HLCS: variants seen among roughly 807,000 people sequenced by gnomAD.
HLCS encodes biotin--protein ligase.
In HLCS, 53 loss-of-function variants were observed where a neutral mutation model predicts 75.0. That is an observed-to-expected ratio of 0.71 (90% CI 0.57 to 0.89). The LOEUF is 0.89. Ranked by LOEUF, HLCS falls within the 40% of genes least tolerant of loss-of-function variation. The pLI, the probability that HLCS is intolerant of heterozygous loss-of-function variation, is 0.00. For missense variants in HLCS, 966 were observed against 1,074.0 expected (o/e 0.90, Z 1.41); for synonymous variants, 431 against 428.6 (o/e 1.01, Z -0.07).
At chr21:36,878,125 T>C (rs922254340) in intron 6 of HLCS, among the ~76,000 whole-genome samples, 1 of 152,160 alleles carries the variant, frequency 6.6e-6, no homozygotes, top group Non-Finnish European at 1.5e-5. Flanking sequence ...ATTTATGTCT[T>C]CTGCCAAACT....
At chr21:36,866,020 T>C (rs1380294217) in intron 6 of HLCS, among the ~76,000 whole-genome samples, 1 of 152,258 alleles carries the variant, frequency 6.6e-6, no homozygotes, top group East Asian at 1.9e-4. Context: ...ATCCATTCAA[T>C]GAAGCTTAAA....
chr21:36,982,299 A>G (rs1370303292), intron 1 of HLCS, among the ~76,000 whole-genome samples: 2 of 152,140 alleles, frequency 1.3e-5, no homozygotes, highest in African/African-American at 2.4e-5. Context: ...AACAAATAAT[A>G]TTGTTCTGAA....
chr21:36,802,777 T>C (rs1254361413), intron 6 of HLCS, among the ~76,000 whole-genome samples: 2 of 152,176 alleles, frequency 1.3e-5, no homozygotes, highest in Non-Finnish European at 2.9e-5. Flanking sequence ...CAGTGTTGTG[T>C]AGTTCCATAA....
intron 6 of HLCS, among the ~76,000 whole-genome samples, chr21:36,789,027 A>AT (rs998321531): frequency 2.0e-5 from 3 of 151,882 alleles, no homozygotes; most frequent in South Asian, 2.1e-4. Context: ...CAGCCACCTG[A>AT]TTTTTTTTGC....
At chr21:36,953,274 TA>T (rs2067758414) in intron 2 of HLCS, among the ~76,000 whole-genome samples, 1 of 152,134 alleles carries the variant, frequency 6.6e-6, no homozygotes, top group African/African-American at 2.4e-5. Context: ...ATCACAGTTT[TA>T]AAGAGGAAAC....
intron 5 of HLCS, among the ~76,000 whole-genome samples, chr21:36,918,194 C>A (rs1318238823): frequency 1.3e-5 from 2 of 152,128 alleles, no homozygotes; most frequent in Non-Finnish European, 2.9e-5. Context: ...GTACTGAGTG[C>A]CGGAAATTCT....
chr21:36,837,216 G>A, intron 6 of HLCS, among the ~76,000 whole-genome samples: 1 of 152,144 alleles, frequency 6.6e-6, no homozygotes, highest in Non-Finnish European at 1.5e-5. Context: ...AAACTGCATG[G>A]CATTTGACAT....
chr21:36,928,798 GGGGC>G, intron 5 of HLCS, among the ~76,000 whole-genome samples: 1 of 152,222 alleles, frequency 6.6e-6, no homozygotes, highest in East Asian at 1.9e-4. Flanking sequence ...TATGTAATAA[GGGGC>G]TTAGTAGGGA....
chr21:36,775,074 G>A (rs141664119), intron 6 of HLCS, among the ~76,000 whole-genome samples: 4 of 152,310 alleles, frequency 2.6e-5, no homozygotes, highest in Admixed American at 6.5e-5. Context: ...TCAAAGAGCA[G>A]AGCCATCACA....
chr21:36,838,328 ACC>A (rs56043769), intron 6 of HLCS, among the ~76,000 whole-genome samples: 36 of 147,670 alleles, frequency 2.4e-4, no homozygotes, highest in African/African-American at 7.5e-4. Flanking sequence ...ACACACACAC[ACC>A]CCCACAACCA....
intron 5 of HLCS, among the ~76,000 whole-genome samples, chr21:36,928,667 A>G (rs1308774507): frequency 6.6e-6 from 1 of 152,222 alleles, no homozygotes; most frequent in Non-Finnish European, 1.5e-5. Context: ...ATTCAGTCAG[A>G]AATAAGCAGC....
Position 36,936,438 on chromosome 21 carries a change from G to T in HLCS, c.1437+11C>A, listed in dbSNP as rs561130157. ...ACCCAAAGATCACCAAATCCATGCT[G>T]CCCTGAGTACCTGGCAAAGAACAGC... On this transcript the variant is annotated intron_variant, in intron 4 of 10. Coordinates refer to ENST00000674895, the MANE Select transcript of HLCS (RefSeq NM_001352514.2). 1.2e-6 allele frequency: 2 copies of T among 1,604,906 alleles called. No individual in the cohort carries two copies. Among genetic ancestry groups the T allele is most frequent in the Non-Finnish European group, 1.7e-6 (2 of 1,171,604 alleles).
chr21:36,925,188 C>A (rs1352238247), intron 5 of HLCS, among the ~76,000 whole-genome samples: 1 of 152,180 alleles, frequency 6.6e-6, no homozygotes, highest in Non-Finnish European at 1.5e-5. Flanking sequence ...TAACTCCCCA[C>A]TACCAAAATC....
At chr21:36,774,086 G>A (rs549128952) in intron 6 of HLCS, among the ~76,000 whole-genome samples, 124 of 152,192 alleles carry the variant, frequency 8.1e-4, no homozygotes, top group Admixed American at 1.3e-3. Context: ...CGCCTCCACC[G>A]TAAAATGGAG....
At chr21:36,871,751 T>C (rs1270577180) in intron 6 of HLCS, among the ~76,000 whole-genome samples, 1 of 152,116 alleles carries the variant, frequency 6.6e-6, no homozygotes, top group African/African-American at 2.4e-5. Flanking sequence ...AGGACTGGTA[T>C]CTGAGATATA....
intron 6 of HLCS, among the ~76,000 whole-genome samples, chr21:36,805,428 C>T (rs960452561): frequency 2.6e-5 from 4 of 152,102 alleles, no homozygotes; most frequent in African/African-American, 4.8e-5. Flanking sequence ...ACAGGCAGGG[C>T]GGCAGGAAGG....
chr21:36,782,383 T>C (rs547337095), intron 6 of HLCS, among the ~76,000 whole-genome samples: 1 of 152,306 alleles, frequency 6.6e-6, no homozygotes, highest in South Asian at 2.1e-4. Context: ...TGTGAGGTAC[T>C]TGCAGCACAT....
intron 6 of HLCS, among the ~76,000 whole-genome samples, chr21:36,772,017 A>G (rs149010910): frequency 3.6e-4 from 54 of 152,032 alleles, no homozygotes; most frequent in African/African-American, 1.2e-3. Context: ...AACAAAAATT[A>G]TTAGGAAATA....
intron 8 of HLCS, among the ~76,000 whole-genome samples, chr21:36,763,195 T>C (rs1439073491): frequency 6.6e-6 from 1 of 152,152 alleles, no homozygotes; most frequent in African/African-American, 2.4e-5. Flanking sequence ...TGGCTACTTT[T>C]TGTGTTTTTA....
Sources: allele counts gnomAD v4.1 joint callset (sites outside exome capture counted in the v4.1 genomes callset), GRCh38; gene constraint gnomAD v4.1.1; transcripts MANE v1.5; gene names NCBI Gene and HGNC (gene_info 2026-07-23, HGNC 2026-07-21).